The following MS4A4A variants were observed in gnomAD, a reference collection of about 807,000 sequenced individuals.
MS4A4A encodes the protein membrane-spanning 4-domains subfamily A member 4A.
A neutral mutation model predicts 28.0 loss-of-function variants in MS4A4A; 26 were observed. The ratio of observed to expected loss-of-function variants is 0.93; its 90% CI spans 0.68 to 1.29. The LOEUF is 1.29. MS4A4A is among the 50% of genes most tolerant of loss of function. The pLI, the probability that MS4A4A is intolerant of heterozygous loss-of-function variation, is 0.00. For synonymous variants in MS4A4A, 86 were observed against 100.8 expected (o/e 0.85, Z 0.88); for missense variants, 290 against 293.1 (o/e 0.99, Z 0.08).
intron 1 of MS4A4A, among the ~76,000 whole-genome samples, chr11:60,290,449 T>C (rs1480160888): frequency 6.6e-6 from 1 of 152,196 alleles, no homozygotes; most frequent in African/African-American, 2.4e-5. Flanking sequence ...AATGGAGTTC[T>C]AATTCTGTTT....
At chr11:60,297,151 AT>A in intron 2 of MS4A4A, 45 bp from the exon 3 acceptor site, 1 of 1,608,726 alleles carries the variant, frequency 6.2e-7, no homozygotes. Flanking sequence ...CGGAAGCACC[AT>A]TTTTGTGGTG....
intron 4 of MS4A4A, among the ~76,000 whole-genome samples, chr11:60,301,569 G>A (rs1433175500): frequency 2.0e-5 from 3 of 152,150 alleles, no homozygotes; most frequent in Non-Finnish European, 4.4e-5. Flanking sequence ...GTCCATATCT[G>A]AATAAATGTT....
chr11:60,286,123 A>G (rs966543706), intron 1 of MS4A4A, among the ~76,000 whole-genome samples: 4 of 152,306 alleles, frequency 2.6e-5, no homozygotes, highest in African/African-American at 7.2e-5. Flanking sequence ...CTGCAATAAG[A>G]AAAATATGAC....
At chr11:60,283,112 A>T (rs1474312412) in intron 1 of MS4A4A, among the ~76,000 whole-genome samples, 1 of 152,212 alleles carries the variant, frequency 6.6e-6, no homozygotes, top group Non-Finnish European at 1.5e-5. Context: ...GATATTTTTG[A>T]GACAGGGTCT....
In MS4A4A at chr11:60,285,766, A is replaced by G. The variant is rs571540136; in HGVS notation, c.41+5050A>G. Among the ~76,000 whole-genome samples, 558 of 152,308 alleles carry G rather than the reference A, an allele frequency of 3.7e-3. 3 individuals are homozygous for G. Among genetic ancestry groups the G allele is most frequent in the African/African-American group, 0.013 (547 of 41,550 alleles). ...CTTCAAATGGCAATAAAAGATCACA[A>G]GGGCAGAAGGGCAGAGCAAGGTCAC... On this transcript the variant is annotated intron_variant, in intron 1 of 6. Coordinates refer to ENST00000337908, the MANE Select transcript of MS4A4A (RefSeq NM_148975.3).
At chr11:60,297,746 A>T (rs2084918829) in intron 3 of MS4A4A, among the ~76,000 whole-genome samples, 1 of 152,220 alleles carries the variant, frequency 6.6e-6, no homozygotes, top group Non-Finnish European at 1.5e-5. Flanking sequence ...TATTTCATAT[A>T]CATATTCCCA....
chr11:60,302,509 A>T, intron 4 of MS4A4A, 50 bp from the exon 5 acceptor site: 1 of 1,572,590 alleles, frequency 6.4e-7, no homozygotes, highest in Non-Finnish European at 8.7e-7. Flanking sequence ...TCATGGAGAT[A>T]TATCTGAGGA....
intron 1 of MS4A4A, chr11:60,290,084 A>G (rs1565144239): frequency 2.3e-6 from 1 of 443,350 alleles, no homozygotes; most frequent in Non-Finnish European, 4.6e-6. Context: ...TTCTTTATGG[A>G]CTCCAATGGA....
At chr11:60,291,428 T>A (rs1372479295) in intron 1 of MS4A4A, among the ~76,000 whole-genome samples, 2 of 152,122 alleles carry the variant, frequency 1.3e-5, no homozygotes, top group African/African-American at 4.8e-5. Context: ...TGTGCTCTGA[T>A]TAGAAAAGGA....
rs561047969 is a variant in MS4A4A, at chr11:60,308,696, C to T, written c.*518C>T. Reference sequence around the variant, plus strand: ...ATCTCCCCCTCCCTTTTTCCTTCTCCTGCTTTTCTTTCCCCATAGAAAGTA... The same window carrying T: ...ATCTCCCCCTCCCTTTTTCCTTCTCTTGCTTTTCTTTCCCCATAGAAAGTA... On this transcript the variant is annotated 3_prime_UTR_variant, in exon 7 of 7. Coordinates refer to ENST00000337908, the MANE Select transcript of MS4A4A (RefSeq NM_148975.3). The T allele has an allele frequency of 6.5e-6, 1 of 152,862 alleles. No homozygotes were observed. Among genetic ancestry groups the T allele is most frequent in the African/African-American group, 2.4e-5 (1 of 41,536 alleles). 9.5% of individuals were successfully genotyped at this position (152,862 alleles called of 1,614,324 possible).
At chr11:60,290,003 A>G (rs1346560656) in intron 1 of MS4A4A, 1 of 362,182 alleles carries the variant, frequency 2.8e-6, no homozygotes, top group African/African-American at 2.1e-5. Flanking sequence ...CATATTCTAT[A>G]TGTGATATAT....
chr11:60,300,514 G>T (rs962324941), intron 3 of MS4A4A, among the ~76,000 whole-genome samples: 9 of 151,018 alleles, frequency 6.0e-5, no homozygotes, highest in Admixed American at 6.0e-4. Context: ...TACTCGGGAG[G>T]CTGAGGCAGG....
chr11:60,289,115 T>C (rs940425387), intron 1 of MS4A4A, among the ~76,000 whole-genome samples: 3 of 152,074 alleles, frequency 2.0e-5, no homozygotes, highest in African/African-American at 7.2e-5. Context: ...AGGTGTGCAA[T>C]AGCTACTCAC....
Position 60,303,639 on chromosome 11 carries a change from C to T in MS4A4A, c.546+922C>T, listed in dbSNP as rs1409148212. On this transcript the variant is annotated intron_variant, in intron 5 of 6. Coordinates refer to ENST00000337908, the MANE Select transcript of MS4A4A (RefSeq NM_148975.3). ...AGGAGAATTGCTTGAAGCTGGGAGGCGGAGGTTGCAGTGAGCCGAGATGGA... is the reference window on the plus strand; with the variant it reads ...AGGAGAATTGCTTGAAGCTGGGAGGTGGAGGTTGCAGTGAGCCGAGATGGA... 4.6e-5 allele frequency among the ~76,000 whole-genome samples: 7 copies of T among 152,008 alleles called. No homozygotes were observed. The East Asian group carries it at 7.7e-4, about 17-fold the overall frequency.
At position 60,308,283 on chromosome 11, in the gene MS4A4A, C is replaced by G; in HGVS notation, c.*105C>G. 1 of 920,002 alleles carries G rather than the reference C, an allele frequency of 1.1e-6. No homozygotes were observed. The highest frequency in any genetic ancestry group is 1.7e-6 in the Non-Finnish European group (1 of 578,014). 57.0% of individuals were successfully genotyped at this position (920,002 alleles called of 1,614,324 possible). On this transcript the variant is annotated 3_prime_UTR_variant, in exon 7 of 7. Transcript: ENST00000337908. Reference sequence around the variant, plus strand: ...AGTATCCAACTTCGATACTGATAGACTTGTTGATATTATTATTATATGTAA... The same window carrying G: ...AGTATCCAACTTCGATACTGATAGAGTTGTTGATATTATTATTATATGTAA...
At chr11:60,298,214 A>T (rs777566296) in intron 3 of MS4A4A, among the ~76,000 whole-genome samples, 1 of 152,168 alleles carries the variant, frequency 6.6e-6, no homozygotes, top group Non-Finnish European at 1.5e-5. Context: ...AATAAAATTT[A>T]TAAGTTGGGT....
At chr11:60,289,061 T>C (rs1357940166) in intron 1 of MS4A4A, among the ~76,000 whole-genome samples, 1 of 152,154 alleles carries the variant, frequency 6.6e-6, no homozygotes, top group African/African-American at 2.4e-5. Context: ...CAGGTATGGC[T>C]ACCAGGTGTG....
At position 60,301,060 on chromosome 11, in the gene MS4A4A, G is replaced by T; in HGVS notation, c.387+3G>T. 1 of 1,586,118 alleles carries T rather than the reference G, an allele frequency of 6.3e-7. No individual in the cohort carries two copies. The highest frequency in any genetic ancestry group is 8.6e-7 in the Non-Finnish European group (1 of 1,167,934). On this transcript the variant is annotated splice_donor_region_variant and intron_variant, in intron 4 of 6. Coordinates refer to ENST00000337908, the MANE Select transcript of MS4A4A (RefSeq NM_148975.3). ...GAATTAGAACTACAAAAGGCCTGGTGAGTAATATTTTCTTTTTTTGGTATC... is the reference window on the plus strand; with the variant it reads ...GAATTAGAACTACAAAAGGCCTGGTTAGTAATATTTTCTTTTTTTGGTATC...
chr11:60,292,444 A>G, intron 2 of MS4A4A, 60 bp downstream of exon 2: 2 of 1,482,376 alleles, frequency 1.3e-6, no homozygotes, highest in Admixed American at 2.3e-5. Context: ...CATAAGACCT[A>G]ATGCCAAATA....
Sources: gnomAD v4.1 joint callset for allele counts (sites outside exome capture counted in the v4.1 genomes callset) on GRCh38, gnomAD v4.1.1 for gene constraint, MANE v1.5 for transcripts, NCBI Gene and HGNC (gene_info 2026-07-23, HGNC 2026-07-21) for gene names.